The following PDE11A variants were observed in gnomAD, a reference collection of about 807,000 sequenced individuals.
The protein encoded by PDE11A is dual 3',5'-cyclic-AMP and -GMP phosphodiesterase 11A.
In PDE11A, 100 loss-of-function variants were observed where a neutral mutation model predicts 100.5. That is an observed-to-expected ratio of 1.00 (90% CI 0.85 to 1.18). The LOEUF is 1.18. Among genes scored for constraint, PDE11A ranks in the 50% most tolerant of loss-of-function variants. The probability of loss-of-function intolerance (pLI) is 0.00; values close to 1 mark genes in which losing one functional copy is unlikely to be tolerated. For synonymous variants in PDE11A, 381 were observed against 420.8 expected, an observed-to-expected ratio of 0.91 and a Z score of 1.16; for missense variants, 1,141 against 1,152.6, an observed-to-expected ratio of 0.99 and a Z score of 0.15.
chr2:177,781,661 C>T (rs942341813), intron 9 of PDE11A, among the ~76,000 whole-genome samples: 1 of 152,090 alleles, frequency 6.6e-6, no homozygotes, highest in African/African-American at 2.4e-5. Flanking sequence ...GCCACCACAC[C>T]CAGCTGATTT....
chr2:177,807,211 T>C (rs993984987), intron 9 of PDE11A, among the ~76,000 whole-genome samples: 2 of 151,952 alleles, frequency 1.3e-5, no homozygotes, highest in Admixed American at 1.3e-4. Context: ...ACAAAAATAA[T>C]GGCAGAGTTT....
intron 1 of PDE11A, among the ~76,000 whole-genome samples, chr2:178,019,602 C>A (rs916193328): frequency 1.3e-5 from 2 of 152,012 alleles, no homozygotes; most frequent in Non-Finnish European, 2.9e-5. Context: ...AAATTAAGAA[C>A]TTTGTGGAGG....
chr2:177,842,822 G>A (rs2083512494), intron 5 of PDE11A, among the ~76,000 whole-genome samples: 1 of 152,084 alleles, frequency 6.6e-6, no homozygotes, highest in Admixed American at 6.5e-5. Context: ...TTTAAGGAGT[G>A]GGGAGATAGG....
At chr2:177,877,337 G>C (rs576837433) in intron 4 of PDE11A, among the ~76,000 whole-genome samples, 1 of 123,192 alleles carries the variant, frequency 8.1e-6, no homozygotes, top group South Asian at 2.5e-4. Context: ...GCTAATTTTT[G>C]CATTTTTAGT....
At chr2:177,830,624 A>C (rs2083293689) in intron 6 of PDE11A, among the ~76,000 whole-genome samples, 1 of 147,808 alleles carries the variant, frequency 6.8e-6, no homozygotes, top group Non-Finnish European at 1.5e-5. Context: ...AATAATAATA[A>C]TAATAATAAT....
chr2:178,054,059 C>A (rs4536679), intron 1 of PDE11A, among the ~76,000 whole-genome samples: 44,187 of 152,108 alleles, frequency 0.29, 6,582 homozygotes, highest in Non-Finnish European at 0.31. Flanking sequence ...CCAAGTCAAT[C>A]CTAAGCCAAA....
At chr2:177,700,090 G>C (rs773000574) in intron 14 of PDE11A, among the ~76,000 whole-genome samples, 8 of 152,178 alleles carry the variant, frequency 5.3e-5, no homozygotes, top group Non-Finnish European at 1.2e-4. Flanking sequence ...CAGGATGCTG[G>C]CTTCTGCCAG....
intron 4 of PDE11A, among the ~76,000 whole-genome samples, 164 bp from the exon 5 acceptor site, chr2:177,876,087 T>C (rs1421421910): frequency 6.6e-6 from 1 of 152,218 alleles, no homozygotes; most frequent in East Asian, 1.9e-4. Context: ...GAGAATCCCA[T>C]CCTACATCTT....
rs546540794 is a variant in PDE11A, at chr2:177,838,967, C to T, written c.1500+1284G>A. 1.6e-4 allele frequency among the ~76,000 whole-genome samples: 25 copies of T among 152,238 alleles called. No individual in the cohort carries two copies. In the South Asian group the frequency reaches 2.9e-3, roughly 18 times the overall value. On this transcript the variant is annotated intron_variant, in intron 6 of 19. Transcript: ENST00000286063. ...AGGGAGCAGCTGGAAAGGCACCCAACGCAGACTAGGACTTCATTTAAGGAT... is the reference window on the plus strand; with the variant it reads ...AGGGAGCAGCTGGAAAGGCACCCAATGCAGACTAGGACTTCATTTAAGGAT...
At chr2:177,914,560 T>A (rs2084926194) in intron 2 of PDE11A, among the ~76,000 whole-genome samples, 2 of 152,204 alleles carry the variant, frequency 1.3e-5, no homozygotes, top group Non-Finnish European at 2.9e-5. Flanking sequence ...TTTGAGCTGC[T>A]GTTTGATCCA....
intron 4 of PDE11A, among the ~76,000 whole-genome samples, chr2:177,893,278 A>T (rs2084558490): frequency 6.6e-6 from 1 of 152,094 alleles, no homozygotes; most frequent in African/African-American, 2.4e-5. Flanking sequence ...TATAAATTTT[A>T]TATTATTTAT....
At chr2:177,778,527 G>T (rs772696854) in intron 9 of PDE11A, among the ~76,000 whole-genome samples, 1 of 152,190 alleles carries the variant, frequency 6.6e-6, no homozygotes, top group Non-Finnish European at 1.5e-5. Context: ...CTTGGTAAAG[G>T]CTGGATGGCC....
At chr2:177,885,056 G>T (rs892203304) in intron 4 of PDE11A, among the ~76,000 whole-genome samples, 6 of 151,956 alleles carry the variant, frequency 3.9e-5, no homozygotes, top group African/African-American at 1.5e-4. Flanking sequence ...AGTAGTTGAA[G>T]ATTATATAAA....
chr2:178,086,422 T>C (rs2087356322), intron 2 of PDE11A, among the ~76,000 whole-genome samples: 1 of 152,178 alleles, frequency 6.6e-6, no homozygotes, highest in Non-Finnish European at 1.5e-5. Flanking sequence ...GATACCATAA[T>C]GCACAATAAA....
chr2:178,014,357 G>A lies in PDE11A; in HGVS notation c.1016C>T (p.Ala339Val). ...RSSDGEIIGV[A>V]QAINKIPEGA... ...TTCAGGAATCTTATTTATCGCTTGG[G>A]CCACACCAATAATCTCACCATCACT... The change falls in exon 2 of 20, where the codon GCC (alanine) becomes GTC (valine). Residue 339 changes from alanine to valine, a missense_variant. Physicochemically the swap from Ala to Val is moderately conservative, Grantham distance 64. Transcript: ENST00000286063. 1 of 1,612,414 alleles carries A rather than the reference G, an allele frequency of 6.2e-7. No individual in the cohort carries two copies. Among genetic ancestry groups the A allele is most frequent in the Non-Finnish European group, 8.5e-7 (1 of 1,178,510 alleles).
At chr2:177,796,969 G>A (rs2082715847) in intron 9 of PDE11A, 1 of 152,204 alleles carries the variant, frequency 6.6e-6, no homozygotes, top group Non-Finnish European at 1.5e-5. Flanking sequence ...GAAAGAAACA[G>A]TTTCCTTACT....
At chr2:177,710,247 A>C (rs1043937666) in intron 13 of PDE11A, among the ~76,000 whole-genome samples, 9 of 151,698 alleles carry the variant, frequency 5.9e-5, no homozygotes. Flanking sequence ...GGAGGGAAGG[A>C]TGGGGATGGA....
intron 10 of PDE11A, among the ~76,000 whole-genome samples, chr2:177,760,141 A>G (rs1431395548): frequency 6.6e-6 from 1 of 152,164 alleles, no homozygotes; most frequent in Non-Finnish European, 1.5e-5. Flanking sequence ...TGGTTCTTTG[A>G]TCCTTAGTTG....
At chr2:177,663,814 T>A in intron 19 of PDE11A, 52 bp downstream of exon 19, 1 of 1,027,192 alleles carries the variant, frequency 9.7e-7, no homozygotes, top group Non-Finnish European at 1.6e-6. Context: ...AAATACACAC[T>A]TTTCCTTTTC....
Sources: allele counts gnomAD v4.1 joint callset (sites outside exome capture counted in the v4.1 genomes callset), GRCh38; gene constraint gnomAD v4.1.1; transcripts MANE v1.5; gene names NCBI Gene and HGNC (gene_info 2026-07-23, HGNC 2026-07-21).